The following KDM2B variants were observed in gnomAD, a reference collection of about 807,000 sequenced individuals.
KDM2B encodes the protein lysine-specific demethylase 2B.
A neutral mutation model predicts 150.0 loss-of-function variants in KDM2B; 26 were observed. The ratio of observed to expected loss-of-function variants is 0.17; its 90% CI spans 0.13 to 0.24. KDM2B has a LOEUF of 0.24. Ranked by LOEUF, KDM2B falls within the 10% of genes least tolerant of loss-of-function variation. The pLI is 1.00. For synonymous variants in KDM2B, 734 were observed against 729.5 expected, an observed-to-expected ratio of 1.01 and a Z score of -0.10; for missense variants, 1,265 against 1,816.9, an observed-to-expected ratio of 0.70 and a Z score of 5.52.
chr12:121,580,698 A>C (rs1188355315), intron 1 of KDM2B, 88 bp downstream of exon 1: 1,060 of 1,117,498 alleles, frequency 9.5e-4, no homozygotes, highest in East Asian at 3.4e-3. Context: ...TGGCACCCCC[A>C]AAAACGACCC....
intron 6 of KDM2B, among the ~76,000 whole-genome samples, chr12:121,540,938 C>T (rs1555309669): frequency 6.7e-6 from 1 of 149,274 alleles, no homozygotes; most frequent in African/African-American, 2.5e-5. Context: ...GAAACAGTCC[C>T]TTCAAGAGGA....
intron 12 of KDM2B, among the ~76,000 whole-genome samples, chr12:121,473,960 G>A (rs1200569832): frequency 6.6e-6 from 1 of 152,290 alleles, no homozygotes; most frequent in Admixed American, 6.5e-5. Flanking sequence ...GCATGATGCT[G>A]AGTACAAGAA....
intron 1 of KDM2B, 144 bp downstream of exon 1, chr12:121,580,642 C>T (rs2066779960): frequency 2.3e-6 from 3 of 1,300,650 alleles, no homozygotes; most frequent in East Asian, 2.5e-5. Context: ...CAGCGGGAGG[C>T]GCGGAAATGC....
At position 121,436,248 on chromosome 12, in the gene KDM2B, G is replaced by A. The variant is rs142942841; in HGVS notation, c.3829+3609C>T. Among the ~76,000 whole-genome samples, 153 of 152,316 alleles carry A rather than the reference G, an allele frequency of 1.0e-3. 1 individual carries two copies. In the East Asian group the frequency reaches 0.018, roughly 18 times the overall value. ...CTCAGTGTATAAGTTGTGGCCGGAC[G>A]CGGTGGCTCACGCCTGTAATCCCAG... On this transcript the variant is annotated intron_variant, in intron 22 of 22. Coordinates refer to ENST00000377071, the MANE Select transcript of KDM2B (RefSeq NM_032590.5).
chr12:121,551,411 T>C (rs572171207), intron 4 of KDM2B, among the ~76,000 whole-genome samples: 6 of 150,402 alleles, frequency 4.0e-5, no homozygotes, highest in African/African-American at 1.2e-4. Flanking sequence ...AATGGCACGA[T>C]CGTGGCTCAC....
At chr12:121,487,642 C>T (rs1882906725) in intron 12 of KDM2B, among the ~76,000 whole-genome samples, 1 of 152,178 alleles carries the variant, frequency 6.6e-6, no homozygotes, top group East Asian at 1.9e-4. Flanking sequence ...CTTTGACACC[C>T]TCTCCTCCTA....
chr12:121,573,744 C>T (rs557452592), intron 4 of KDM2B, among the ~76,000 whole-genome samples: 34 of 152,228 alleles, frequency 2.2e-4, no homozygotes, highest in Non-Finnish European at 3.5e-4. Context: ...CCCGCCACCA[C>T]GCCTGGCTAA....
chr12:121,555,972 A>C (rs1227056683), intron 4 of KDM2B, among the ~76,000 whole-genome samples: 3 of 150,524 alleles, frequency 2.0e-5, no homozygotes, highest in Admixed American at 6.6e-5. Flanking sequence ...TCTCACCTAC[A>C]CTGGAGTACA....
At chr12:121,527,302 C>T (rs1185857268) in intron 8 of KDM2B, among the ~76,000 whole-genome samples, 3 of 139,616 alleles carry the variant, frequency 2.1e-5, no homozygotes, top group African/African-American at 7.9e-5. Context: ...CCCGCCTTGG[C>T]CTCCCAAAGT....
the KDM2B span, among the ~76,000 whole-genome samples, chr12:121,410,922 G>A: frequency 6.6e-6 from 1 of 152,092 alleles, no homozygotes. Context: ...CACTTTGGAG[G>A]TTGGCTTGGG....
At chr12:121,524,638 G>A (rs1886976745) in intron 8 of KDM2B, 1 of 443,466 alleles carries the variant, frequency 2.3e-6, no homozygotes, top group Non-Finnish European at 4.5e-6. Flanking sequence ...GTAAGAAGGA[G>A]GTGTGGAAAT....
intron 13 of KDM2B, among the ~76,000 whole-genome samples, chr12:121,446,237 T>C (rs1299905238): frequency 3.9e-5 from 6 of 152,160 alleles, no homozygotes; most frequent in Admixed American, 3.3e-4. Flanking sequence ...CTACTAAAAA[T>C]ACAAAAAGAA....
Position 121,453,365 on chromosome 12 carries a change from C to G in KDM2B, c.1735-21G>C, listed in dbSNP as rs1272797240. Reference sequence around the variant, plus strand: ...CGGTTCTGCAGGGGAACAGACACGACTGGTCAGATGGGGAGACTGCAGGCA... The same window carrying G: ...CGGTTCTGCAGGGGAACAGACACGAGTGGTCAGATGGGGAGACTGCAGGCA... On this transcript the variant is annotated intron_variant, in intron 12 of 22. Coordinates refer to ENST00000377071, the MANE Select transcript of KDM2B (RefSeq NM_032590.5). This position sits in a 1 kb window ranked among gnomAD's most constrained non-coding sequence, Gnocchi z 6.4. 8.4e-6 allele frequency: 13 copies of G among 1,538,778 alleles called. No homozygotes were observed. Among genetic ancestry groups the G allele is most frequent in the Middle Eastern group, 1.9e-4 (1 of 5,344 alleles).
At chr12:121,516,017 T>C (rs1468361311) in intron 9 of KDM2B, among the ~76,000 whole-genome samples, 3 of 152,132 alleles carry the variant, frequency 2.0e-5, no homozygotes, top group Non-Finnish European at 2.9e-5. Flanking sequence ...CTCCTAGGCA[T>C]GAAGCAAACC....
Position 121,575,636 on chromosome 12 carries a change from A to G in KDM2B, c.350+145T>C. ...AGTGTTTCCCCTTTGTCAGGCCTTGAACAAGGAGATGCTGTTCCCAGATCG... is the reference window on the plus strand; with the variant it reads ...AGTGTTTCCCCTTTGTCAGGCCTTGGACAAGGAGATGCTGTTCCCAGATCG... On this transcript the variant is annotated intron_variant, in intron 3 of 22. Transcript: ENST00000377071. This position sits in a 1 kb window ranked among gnomAD's most constrained non-coding sequence, Gnocchi z 4.4. 1.5e-6 allele frequency: 1 copy of G among 677,958 alleles called. No individual in the cohort carries two copies. The highest frequency in any genetic ancestry group is 2.7e-6 in the Non-Finnish European group (1 of 377,306). The allele number at this position is 677,958 out of a possible 1,614,324, so 42.0% of individuals were successfully genotyped here. A position where few individuals can be genotyped will look rare whatever the true frequency, so the allele number is the denominator to read the frequency against.
downstream of KDM2B, among the ~76,000 whole-genome samples, chr12:121,425,696 G>A (rs1872479662): frequency 6.6e-6 from 1 of 152,102 alleles, no homozygotes; most frequent in Non-Finnish European, 1.5e-5. Flanking sequence ...ACTGGCTTGA[G>A]CAGGTCATGG....
intron 11 of KDM2B, among the ~76,000 whole-genome samples, chr12:121,503,119 A>C (rs1282530663): frequency 1.3e-5 from 2 of 151,808 alleles, no homozygotes; most frequent in African/African-American, 4.8e-5. Flanking sequence ...CTGGGCCTAC[A>C]GGCGTGCGCC....
intron 4 of KDM2B, among the ~76,000 whole-genome samples, chr12:121,571,259 A>G (rs1398754535): frequency 6.6e-6 from 1 of 152,240 alleles, no homozygotes; most frequent in Non-Finnish European, 1.5e-5. Flanking sequence ...ATGGTTATAC[A>G]GCATTGTGAA....
chr12:121,539,396 A>G (rs1555309360), intron 6 of KDM2B, among the ~76,000 whole-genome samples: 2 of 150,628 alleles, frequency 1.3e-5, no homozygotes, highest in Non-Finnish European at 3.0e-5. Flanking sequence ...AGGAGAGGAG[A>G]CAGTCCTGAT....
Sources: allele counts gnomAD v4.1 joint callset (sites outside exome capture counted in the v4.1 genomes callset), GRCh38; gene constraint gnomAD v4.1.1; non-coding constraint Gnocchi (gnomAD v3.1); transcripts MANE v1.5; gene names NCBI Gene and HGNC (gene_info 2026-07-23, HGNC 2026-07-21).